The following KCTD1 variants were observed in gnomAD, a reference collection of about 807,000 sequenced individuals.
KCTD1 encodes BTB/POZ domain-containing protein KCTD1.
KCTD1 carries 24 observed loss-of-function variants against 66.0 expected under a neutral mutation model. The observed-to-expected ratio is 0.36, with a 90% CI of 0.26 to 0.51. KCTD1 has a LOEUF of 0.51. Ranked by LOEUF, KCTD1 falls within the 20% of genes least tolerant of loss-of-function variation. The pLI is 0.95. For synonymous variants in KCTD1, 511 were observed against 517.2 expected (o/e 0.99, Z 0.16); for missense variants, 943 against 1,205.2 (o/e 0.78, Z 3.22).
chr18:26,473,563 T>TTAATAATAATAATAA lies in KCTD1; in HGVS notation c.2133+2937_2133+2951dup, dbSNP rs10551915. 7.8e-4 allele frequency among the ~76,000 whole-genome samples: 115 copies of TTAATAATAATAATAA among 146,718 alleles called. 1 individual carries two copies. Among genetic ancestry groups the TTAATAATAATAATAA allele is most frequent in the African/African-American group, 2.7e-3 (108 of 39,904 alleles). On this transcript the variant is annotated intron_variant, in intron 3 of 4. Transcript: ENST00000580059. ...TGCACATGCACCCCAGAACTTAAAATTAATAATAATAATAATAATAATAAT... is the reference window on the plus strand; with the variant it reads ...TGCACATGCACCCCAGAACTTAAAATTAATAATAATAATAATAATAATAATAATAATAATAATAAT...
intron 3 of KCTD1, among the ~76,000 whole-genome samples, chr18:26,475,992 T>C (rs1375397497): frequency 6.6e-6 from 1 of 152,222 alleles, no homozygotes; most frequent in Non-Finnish European, 1.5e-5. Flanking sequence ...GCTGCAAAAA[T>C]TACATTTTCG....
chr18:26,583,099 G>C (rs1986392914), intron 1 of KCTD1, among the ~76,000 whole-genome samples: 1 of 151,968 alleles, frequency 6.6e-6, no homozygotes, highest in Non-Finnish European at 1.5e-5. Context: ...GGAGATAAAA[G>C]AGAGCAAAAG....
At chr18:26,592,375 A>G (rs1986628591) in intron 1 of KCTD1, among the ~76,000 whole-genome samples, 1 of 152,164 alleles carries the variant, frequency 6.6e-6, no homozygotes, top group Non-Finnish European at 1.5e-5. Context: ...AAGAGGAAAA[A>G]CTCAGAATTC....
rs775452630 is a variant in KCTD1 at position 26,455,692 on chromosome 18, T to TTGAG, written c.*47_*50dup. ...CTGCACATAAATGTCCCTTTTTTGT[T>TTGAG]TGAGTTATTGGTTGTGTGTGTTTTC... On this transcript the variant is annotated 3_prime_UTR_variant, in exon 5 of 5. Transcript: ENST00000580059. The TTGAG allele has an allele frequency of 6.3e-7, 1 of 1,598,296 alleles. No individual in the cohort carries two copies. Among genetic ancestry groups the TTGAG allele is most frequent in the Non-Finnish European group, 8.6e-7 (1 of 1,169,500 alleles).
At chr18:26,603,198 G>A (rs781164867) in intron 1 of KCTD1, among the ~76,000 whole-genome samples, 24 of 152,148 alleles carry the variant, frequency 1.6e-4, no homozygotes, top group Non-Finnish European at 2.8e-4. Flanking sequence ...GGGAGGCTGA[G>A]GCAGGTGGAT....
intron 1 of KCTD1, among the ~76,000 whole-genome samples, chr18:26,560,265 T>C (rs1484753895): frequency 1.3e-5 from 2 of 152,068 alleles, no homozygotes; most frequent in Non-Finnish European, 1.5e-5. Flanking sequence ...ACAAAAAATA[T>C]GTATCAATGC....
intron 1 of KCTD1, among the ~76,000 whole-genome samples, chr18:26,637,511 T>C (rs1311115446): frequency 6.6e-6 from 1 of 152,162 alleles, no homozygotes; most frequent in East Asian, 1.9e-4. Flanking sequence ...CCACCTAGTG[T>C]GGTCACCCTC....
At chr18:26,613,739 G>C (rs1167185654) in intron 1 of KCTD1, among the ~76,000 whole-genome samples, 1 of 152,362 alleles carries the variant, frequency 6.6e-6, no homozygotes, top group African/African-American at 2.4e-5. Context: ...TGAACAGAGA[G>C]AAGAGGCTCT....
chr18:26,617,452 A>G (rs530239987), intron 1 of KCTD1, among the ~76,000 whole-genome samples: 19 of 152,358 alleles, frequency 1.2e-4, no homozygotes, highest in African/African-American at 4.6e-4. Flanking sequence ...AGGATGACTA[A>G]CAATTTGGCT....
upstream of KCTD1, among the ~76,000 whole-genome samples, chr18:26,643,348 G>T (rs1206716856): frequency 1.3e-5 from 2 of 152,162 alleles, no homozygotes; most frequent in African/African-American, 4.8e-5. Flanking sequence ...GCCACCATGG[G>T]GGTGGGGTTT....
chr18:26,650,742 TAC>T (rs1314269266), intron 1 of KCTD1, among the ~76,000 whole-genome samples: 4 of 152,260 alleles, frequency 2.6e-5, no homozygotes, highest in African/African-American at 9.6e-5. Context: ...TCTTTTGTTT[TAC>T]ACACATTTTC....
intron 1 of KCTD1, among the ~76,000 whole-genome samples, chr18:26,608,535 A>C (rs1987066316): frequency 6.6e-6 from 1 of 152,218 alleles, no homozygotes; most frequent in African/African-American, 2.4e-5. Flanking sequence ...TAGCATTCCC[A>C]GAAGGAGCCT....
chr18:26,470,661 A>G (rs1981006207), intron 3 of KCTD1, among the ~76,000 whole-genome samples: 1 of 152,050 alleles, frequency 6.6e-6, no homozygotes, highest in South Asian at 2.1e-4. Context: ...GGCTGTTCCC[A>G]CTCTCGTAGC....
chr18:26,656,089 A>G (rs892218623), intron 1 of KCTD1, among the ~76,000 whole-genome samples: 5 of 151,990 alleles, frequency 3.3e-5, no homozygotes, highest in African/African-American at 9.7e-5. Context: ...GTCAGAAAGG[A>G]GCCAAACTGA....
chr18:26,569,690 A>G (rs1986059146), intron 1 of KCTD1, among the ~76,000 whole-genome samples: 1 of 152,146 alleles, frequency 6.6e-6, no homozygotes, highest in Non-Finnish European at 1.5e-5. Flanking sequence ...CAAAGAACAG[A>G]TAATTCCCAG....
At chr18:26,534,550 T>C (rs1049658971) in intron 1 of KCTD1, among the ~76,000 whole-genome samples, 1 of 152,310 alleles carries the variant, frequency 6.6e-6, no homozygotes, top group Admixed American at 6.5e-5. Flanking sequence ...AAATTGTATA[T>C]AATCTCTCTC....
At position 26,546,808 on chromosome 18, in the gene KCTD1, G is replaced by C. The variant is rs1199830939; in HGVS notation, c.1729C>G (p.Pro577Ala). 5.2e-6 allele frequency: 8 copies of C among 1,544,520 alleles called. No individual in the cohort carries two copies. Among genetic ancestry groups the C allele is most frequent in the Non-Finnish European group, 7.0e-6 (8 of 1,144,456 alleles). ...VVVSVKHDPLPLLPEANGHRS... is the reference protein window; with the variant it reads ...VVVSVKHDPLALLPEANGHRS... ...TGCCCATTGGCTTCTGGAAGAAGAG[G>C]CAGGGGGTCGTGTTTCACGGAAACC... is the stretch of plus-strand genomic sequence containing the variant. The change falls in exon 1 of 5, where the codon CCT (proline) becomes GCT (alanine). Residue 577 changes from proline (P) to alanine (A), a missense_variant. Around this residue, in one of 10 missense-constraint regions of KCTD1, gnomAD observed 197 missense variants for 182.7 expected, o/e 1.08. Coordinates refer to ENST00000580059, the MANE Select transcript of KCTD1 (RefSeq NM_001142730.3).
rs556279246 is a variant in KCTD1 at position 26,496,598 on chromosome 18, T to C, written c.1988+4474A>G. Among the ~76,000 whole-genome samples the C allele has an allele frequency of 2.6e-5, 4 of 152,306 alleles. No individual in the cohort carries two copies. The South Asian group carries it at 8.3e-4, about 32-fold the overall frequency. ...CTGATATATGTAATACTTCAGTTAA[T>C]TTGAAAACTTTAGTCCCTTTAGCTA... On this transcript the variant is annotated intron_variant, in intron 2 of 4. Transcript: ENST00000580059.
intron 1 of KCTD1, among the ~76,000 whole-genome samples, chr18:26,656,775 C>T (rs1448226150): frequency 6.6e-6 from 1 of 151,030 alleles, no homozygotes; most frequent in Non-Finnish European, 1.5e-5. Flanking sequence ...CTGCGCGCCC[C>T]GCAGAGATGT....
Sources: gnomAD v4.1 joint callset for allele counts (sites outside exome capture counted in the v4.1 genomes callset) on GRCh38, gnomAD v4.1.1 for gene constraint, gnomAD v4.1.1 regional missense constraint, MANE v1.5 for transcripts, NCBI Gene and HGNC (gene_info 2026-07-23, HGNC 2026-07-21) for gene names.